SGO1: variants seen among roughly 807,000 people sequenced by gnomAD.
The protein encoded by SGO1 is serologically defined breast cancer antigen NY-BR-85.
SGO1 carries 39 observed loss-of-function variants against 50.5 expected under a neutral mutation model. The ratio of observed to expected loss-of-function variants is 0.77; its 90% CI spans 0.60 to 1.01. The LOEUF (loss-of-function observed/expected upper bound fraction) is 1.01, where lower values mean the gene tolerates loss of function less well. Among genes scored for constraint, SGO1 ranks in the 50% least tolerant of loss-of-function variants. SGO1 has a pLI of 0.00. For synonymous variants in SGO1, 191 were observed against 205.1 expected (o/e 0.93, Z 0.59); for missense variants, 638 against 606.0 (o/e 1.05, Z -0.55).
Position 20,173,865 on chromosome 3 carries a change from A to C in SGO1, c.1282+384T>G, listed in dbSNP as rs185497186. 2.5e-3 allele frequency among the ~76,000 whole-genome samples: 385 copies of C among 152,360 alleles called. 5 individuals are homozygous for C. The highest frequency in any genetic ancestry group is 8.9e-3 in the African/African-American group (372 of 41,580). ...CGGTTCCTGTCAAATTTAATATAAA[A>C]CAAGGCCATTAAAATAACAAGTCAC... On this transcript the variant is annotated intron_variant, in intron 6 of 7. Transcript: ENST00000412997.
Position 20,170,051 on chromosome 3 carries a change from G to A in SGO1, c.*653C>T. On this transcript the variant is annotated 3_prime_UTR_variant, in exon 8 of 8. Coordinates refer to ENST00000412997, the MANE Select transcript of SGO1 (RefSeq NM_001199251.3). ...TAAGGGAAAAATAGAGATGCCAGAA[G>A]CTTATAATTAAAAGATCTTATTTGA... The A allele has an allele frequency of 8.1e-6, 8 of 984,942 alleles. No homozygotes were observed. Among genetic ancestry groups the A allele is most frequent in the Non-Finnish European group, 9.6e-6 (8 of 829,528 alleles). 61.0% of individuals were successfully genotyped at this position (984,942 alleles called of 1,614,324 possible).
downstream of SGO1, among the ~76,000 whole-genome samples, chr3:20,165,105 G>T (rs1030533691): frequency 2.0e-5 from 3 of 152,196 alleles, no homozygotes; most frequent in African/African-American, 4.8e-5. Context: ...AATTCTGGTG[G>T]CTGGAAGACT....
In SGO1 at chr3:20,183,588, G is replaced by A. The variant is rs781662625; in HGVS notation, c.339+20C>T. The A allele has an allele frequency of 3.9e-6, 6 of 1,533,456 alleles. No individual in the cohort carries two copies. Among genetic ancestry groups the A allele is most frequent in the African/African-American group, 2.8e-5 (2 of 71,272 alleles). 95.0% of individuals were successfully genotyped at this position (1,533,456 alleles called of 1,614,324 possible). Reference sequence around the variant, plus strand: ...ATGGCTTAACTAAACTAAGAAATTCGGCCTTAGTAATGAAAATACCTGAGC... The same window carrying A: ...ATGGCTTAACTAAACTAAGAAATTCAGCCTTAGTAATGAAAATACCTGAGC... On this transcript the variant is annotated intron_variant, in intron 3 of 7. Coordinates refer to ENST00000412997, the MANE Select transcript of SGO1 (RefSeq NM_001199251.3).
At chr3:20,184,940 T>G (rs1702461277) in intron 1 of SGO1, among the ~76,000 whole-genome samples, 1 of 150,546 alleles carries the variant, frequency 6.6e-6, no homozygotes, top group Non-Finnish European at 1.5e-5. Flanking sequence ...AAAAAAAGAC[T>G]TGTTTCCAAT....
chr3:20,163,452 T>C (rs903787119), intron 8 of SGO1, among the ~76,000 whole-genome samples: 8 of 152,198 alleles, frequency 5.3e-5, no homozygotes, highest in African/African-American at 1.7e-4. Flanking sequence ...AAATGAATCT[T>C]TGACCAACAA....
At chr3:20,183,462 G>T in intron 3 of SGO1, 146 bp downstream of exon 3, 1 of 646,136 alleles carries the variant, frequency 1.5e-6, no homozygotes, top group Non-Finnish European at 2.5e-6. Context: ...AAATGCAATA[G>T]CTATGCTGGA....
chr3:20,181,353 T>G (rs1701997566), intron 3 of SGO1, among the ~76,000 whole-genome samples: 1 of 152,244 alleles, frequency 6.6e-6, no homozygotes, highest in African/African-American at 2.4e-5. Flanking sequence ...CGTTAACTAT[T>G]GCTAGGGCTA....
At chr3:20,172,632 G>T (rs58959589) in intron 6 of SGO1, among the ~76,000 whole-genome samples, 41,125 of 150,814 alleles carry the variant, frequency 0.27, 5,551 homozygotes, top group African/African-American at 0.3. Context: ...TATTTTTTTC[G>T]TTTAAAAACG....
intron 1 of SGO1, 39 bp downstream of exon 1, chr3:20,185,908 AG>A (rs1702612871): frequency 6.6e-6 from 1 of 152,152 alleles, no homozygotes; most frequent in African/African-American, 2.4e-5. Context: ...TGAAAACCGA[AG>A]GGAAGTCAAA....
Position 20,174,567 on chromosome 3 carries a change from G to A in SGO1, c.964C>T (p.Gln322Ter), listed in dbSNP as rs763764499. ...NKSENKKTVP[Q>*]KKMHKSVSSN... The stretch of plus-strand genomic sequence containing the variant: ...CTGACAGATTTGTGCATTTTTTTTT[G>A]GGGAACAGTTTTTTTATTTTCGCTT... Residue 322 changes from glutamine to a stop codon, truncating the protein, a stop_gained, in exon 6 of 8, where the codon CAA becomes TAA. Transcript: ENST00000412997. LOFTEE classifies it high-confidence loss of function. The A allele has an allele frequency of 1.2e-6, 2 of 1,602,752 alleles. No individual in the cohort carries two copies. Among genetic ancestry groups the A allele is most frequent in the East Asian group, 2.2e-5 (1 of 44,826 alleles).
In SGO1 at chr3:20,170,831, G is replaced by A; in HGVS notation, c.1473-16C>T. The stretch of plus-strand genomic sequence containing the variant: ...TCTCAGTTTCCTGTAAGAGTAAAAA[G>A]AGATCTCAGGCATAATGTAAGCATC... On this transcript the variant is annotated splice_polypyrimidine_tract_variant and intron_variant, in intron 7 of 7. Coordinates refer to ENST00000412997, the MANE Select transcript of SGO1 (RefSeq NM_001199251.3). 3 of 1,582,726 alleles carry A rather than the reference G, an allele frequency of 1.9e-6. No individual in the cohort carries two copies. The highest frequency in any genetic ancestry group is 2.6e-6 in the Non-Finnish European group (3 of 1,171,772).
chr3:20,163,164 C>G (rs1465813197), intron 8 of SGO1, among the ~76,000 whole-genome samples: 1 of 151,958 alleles, frequency 6.6e-6, no homozygotes, highest in Non-Finnish European at 1.5e-5. Flanking sequence ...ATCACTGAAA[C>G]TAAAAACTGG....
rs1175644369 is a variant in SGO1 at position 20,185,972 on chromosome 3, C to G, written c.-32G>C. 1 of 152,330 alleles carries G rather than the reference C, an allele frequency of 6.6e-6. No homozygotes were observed. The highest frequency in any genetic ancestry group is 1.9e-4 in the East Asian group (1 of 5,190). 9.4% of individuals were successfully genotyped at this position (152,330 alleles called of 1,614,324 possible). ...CCTTAAAACCTACTTCTTCCTCTTT[C>G]AGGGACTCCAGGAAGGCCGGGGGGA... On this transcript the variant is annotated 5_prime_UTR_variant, in exon 1 of 8. Coordinates refer to ENST00000412997, the MANE Select transcript of SGO1 (RefSeq NM_001199251.3).
rs1024342091 is a variant in SGO1, at chr3:20,170,242, T to C, written c.*462A>G. The C allele has an allele frequency of 2.0e-6, 1 of 491,852 alleles. No homozygotes were observed. The highest frequency in any genetic ancestry group is 2.1e-5 in the African/African-American group (1 of 47,628). The allele number at this position is 491,852 out of a possible 1,614,324, so 30.5% of individuals were successfully genotyped here. On this transcript the variant is annotated 3_prime_UTR_variant, in exon 8 of 8. Coordinates refer to ENST00000412997, the MANE Select transcript of SGO1 (RefSeq NM_001199251.3). ...GGAGAAACCCTGTCTCTACTAAAAA[T>C]ACAAAATTAGCCGGGCGTAGTGGCA... is the stretch of plus-strand genomic sequence containing the variant.
intron 3 of SGO1, among the ~76,000 whole-genome samples, chr3:20,180,370 T>G (rs1217159585): frequency 1.3e-5 from 2 of 152,088 alleles, no homozygotes; most frequent in African/African-American, 4.8e-5. Flanking sequence ...AGTTCTGCTG[T>G]GAAGGGAAGC....
At chr3:20,168,890 C>T, downstream of SGO1, 1 of 972,336 alleles carries the variant, frequency 1.0e-6, no homozygotes, top group Non-Finnish European at 1.2e-6. Flanking sequence ...GCCTTGGCCT[C>T]CCAAAGTGCT....
At position 20,183,898 on chromosome 3, in the gene SGO1, A is replaced by G. The variant is rs1397846564; in HGVS notation, c.130T>C (p.Cys44Arg). 9 of 1,607,642 alleles carry G rather than the reference A, an allele frequency of 5.6e-6. No individual in the cohort carries two copies. The highest frequency in any genetic ancestry group is 2.3e-5 in the South Asian group (2 of 88,676). ...AAAAATCTCTTACTGATTATTTGGC[A>G]TGGTGCAGCTATAAAAGACCTGCGT... ...GKRRSFIAAP[C>R]QIITNTSTLL... Residue 44 changes from cysteine to arginine, a missense_variant, in exon 2 of 8, where the codon TGC becomes CGC. Physicochemically the swap from Cys to Arg is radical, Grantham distance 180. Coordinates refer to ENST00000412997, the MANE Select transcript of SGO1 (RefSeq NM_001199251.3).
In SGO1 at chr3:20,174,377, G is replaced by C. The variant is rs1447262034; in HGVS notation, c.1154C>G (p.Thr385Ser). The C allele has an allele frequency of 1.2e-6, 2 of 1,614,166 alleles. No homozygotes were observed. The highest frequency in any genetic ancestry group is 1.7e-6 in the Non-Finnish European group (2 of 1,180,028). Residue 385 changes from threonine (T) to serine (S), a missense_variant, in exon 6 of 8, where the codon ACT becomes AGT. Thr to Ser is a moderately conservative substitution (Grantham distance 58). Coordinates refer to ENST00000412997, the MANE Select transcript of SGO1 (RefSeq NM_001199251.3). ...CGTGGGATTCTGAATGTACTTGCAA[G>C]TGGGCAAATAGAGGTCATCGGAATC... ...GDDSDDLYLP[T>S]CKYIQNPTSN...
downstream of SGO1, among the ~76,000 whole-genome samples, chr3:20,165,471 T>C (rs1700247020): frequency 6.6e-6 from 1 of 152,140 alleles, no homozygotes; most frequent in Non-Finnish European, 1.5e-5. Context: ...TCACAATACA[T>C]GTACACTTAA....
Sources: allele counts gnomAD v4.1 joint callset (sites outside exome capture counted in the v4.1 genomes callset), GRCh38; gene constraint gnomAD v4.1.1; transcripts MANE v1.5; gene names NCBI Gene and HGNC (gene_info 2026-07-23, HGNC 2026-07-21).